Variants in ZNF385D observed in about 807,000 individuals in gnomAD.
The protein encoded by ZNF385D is zinc finger protein 659.
Under a neutral mutation model 35.8 loss-of-function variants are expected in ZNF385D, and 15 were observed. The observed-to-expected ratio is 0.42, with a 90% CI of 0.28 to 0.64. The LOEUF (loss-of-function observed/expected upper bound fraction) is 0.64, where lower values mean the gene tolerates loss of function less well. Among genes scored for constraint, ZNF385D ranks in the 30% least tolerant of loss-of-function variants. ZNF385D has a pLI of 0.23. For synonymous variants in ZNF385D, 212 were observed against 186.8 expected, an observed-to-expected ratio of 1.13 and a Z score of -1.10; for missense variants, 474 against 494.6, an observed-to-expected ratio of 0.96 and a Z score of 0.39.
chr3:22,148,687 G>A (rs530192002), intron 3 of ZNF385D, among the ~76,000 whole-genome samples: 7 of 152,258 alleles, frequency 4.6e-5, no homozygotes, highest in Middle Eastern at 3.4e-3. Flanking sequence ...CTACATGGTC[G>A]TAATTAGTAT....
intron 3 of ZNF385D, among the ~76,000 whole-genome samples, chr3:21,902,230 G>T (rs17010033): frequency 0.037 from 5,571 of 152,154 alleles, 351 homozygotes; most frequent in African/African-American, 0.13. Flanking sequence ...GCTCTCAATG[G>T]TCATCATGGT....
chr3:22,179,547 C>T (rs1208677931), intron 2 of ZNF385D, among the ~76,000 whole-genome samples: 1 of 152,230 alleles, frequency 6.6e-6, no homozygotes, highest in Admixed American at 6.5e-5. Flanking sequence ...GACAATCTGA[C>T]TTCCTCTTTT....
chr3:22,209,861 C>T lies in ZNF385D; in HGVS notation c.107-40826G>A, dbSNP rs974011637. Reference sequence around the variant, plus strand: ...ATTATAAGCTAACTGTATATTCAGCCTTATCTTTGACAGCATAAATAAGCA... The same window carrying T: ...ATTATAAGCTAACTGTATATTCAGCTTTATCTTTGACAGCATAAATAAGCA... On this transcript the variant is annotated intron_variant, in intron 2 of 5. Transcript: ENST00000494108. Among the ~76,000 whole-genome samples the T allele has an allele frequency of 1.7e-4, 26 of 151,638 alleles. 1 individual carries two copies. The highest frequency in any genetic ancestry group is 3.5e-4 in the Non-Finnish European group (24 of 67,840).
chr3:21,715,537 T>C (rs1265740623), intron 1 of ZNF385D, among the ~76,000 whole-genome samples: 1 of 152,164 alleles, frequency 6.6e-6, no homozygotes, highest in African/African-American at 2.4e-5. Flanking sequence ...CTTTGCTATT[T>C]TGAATAGTGC....
chr3:22,065,474 G>A (rs1272006007), intron 3 of ZNF385D, among the ~76,000 whole-genome samples: 2 of 152,140 alleles, frequency 1.3e-5, no homozygotes, highest in Non-Finnish European at 2.9e-5. Flanking sequence ...GCAACAAGAG[G>A]TTGCACCCTA....
chr3:22,198,386 A>C (rs1262085506), intron 2 of ZNF385D, among the ~76,000 whole-genome samples: 1 of 152,148 alleles, frequency 6.6e-6, no homozygotes, highest in African/African-American at 2.4e-5. Flanking sequence ...GAAAGCTTCA[A>C]GATAATTAAT....
chr3:21,490,311 G>T (rs1705334735), intron 4 of ZNF385D, among the ~76,000 whole-genome samples: 1 of 152,102 alleles, frequency 6.6e-6, no homozygotes, highest in Non-Finnish European at 1.5e-5. Flanking sequence ...GGCAACAGGT[G>T]TGTGTCACCA....
upstream of ZNF385D, among the ~76,000 whole-genome samples, chr3:21,754,198 A>G (rs1252847337): frequency 6.6e-6 from 1 of 152,104 alleles, no homozygotes; most frequent in African/African-American, 2.4e-5. Context: ...ATAATTTCCA[A>G]ATGAAACCAC....
At chr3:22,230,574 C>T (rs1698826686) in intron 2 of ZNF385D, among the ~76,000 whole-genome samples, 1 of 152,158 alleles carries the variant, frequency 6.6e-6, no homozygotes, top group African/African-American at 2.4e-5. Flanking sequence ...AAAAAATAAG[C>T]ACAACCAGTT....
chr3:21,834,893 C>G (rs2125772689), intron 3 of ZNF385D, among the ~76,000 whole-genome samples: 1 of 152,218 alleles, frequency 6.6e-6, no homozygotes, highest in East Asian at 1.9e-4. Context: ...CCTTCACCTT[C>G]CACCATGATA....
intron 3 of ZNF385D, among the ~76,000 whole-genome samples, chr3:21,546,832 T>C (rs1421109209): frequency 4.6e-5 from 2 of 43,830 alleles, no homozygotes; most frequent in Non-Finnish European, 8.3e-5. Context: ...ATTCCTATTC[T>C]CTAGCCCCCC....
At chr3:21,969,138 T>A (rs73133284) in intron 3 of ZNF385D, among the ~76,000 whole-genome samples, 4,650 of 152,082 alleles carry the variant, frequency 0.031, 250 homozygotes, top group African/African-American at 0.1. Flanking sequence ...GCTTGTAAAA[T>A]GGGGAGGAAA....
chr3:21,846,869 G>C (rs1033071113), intron 3 of ZNF385D, among the ~76,000 whole-genome samples: 2 of 151,966 alleles, frequency 1.3e-5, no homozygotes, highest in African/African-American at 4.8e-5. Context: ...CCAAAATATA[G>C]TATCTGTCCT....
chr3:21,752,750 T>A (rs1479919111), upstream of ZNF385D, among the ~76,000 whole-genome samples: 1 of 152,140 alleles, frequency 6.6e-6, no homozygotes, highest in Non-Finnish European at 1.5e-5. Context: ...TAAAGGATAT[T>A]AACTTTTTTA....
chr3:21,941,803 A>ATTTCT (rs1701537730), intron 3 of ZNF385D, among the ~76,000 whole-genome samples: 2 of 134,080 alleles, frequency 1.5e-5, no homozygotes, highest in Admixed American at 1.7e-4. Flanking sequence ...GGCCTCTTTA[A>ATTTCT]TTTCTGTGTT....
chr3:22,186,553 T>C (rs1304117114), intron 2 of ZNF385D, among the ~76,000 whole-genome samples: 1 of 152,160 alleles, frequency 6.6e-6, no homozygotes, highest in Non-Finnish European at 1.5e-5. Flanking sequence ...ACTTTACCTG[T>C]CCTGATTTCA....
chr3:21,924,262 G>A (rs1045696852), intron 3 of ZNF385D, among the ~76,000 whole-genome samples: 3 of 152,126 alleles, frequency 2.0e-5, no homozygotes, highest in Admixed American at 2.0e-4. Context: ...AAGGTGAAGA[G>A]AAGAAGGCAA....
intron 2 of ZNF385D, among the ~76,000 whole-genome samples, chr3:22,217,099 C>T (rs1428982222): frequency 2.0e-5 from 3 of 152,028 alleles, no homozygotes; most frequent in Non-Finnish European, 4.4e-5. Context: ...TAAAAGAGAA[C>T]CATTAAAGGA....
At chr3:21,705,631 A>T (rs2067867824) in intron 1 of ZNF385D, among the ~76,000 whole-genome samples, 2 of 152,216 alleles carry the variant, frequency 1.3e-5, no homozygotes, top group African/African-American at 4.8e-5. Flanking sequence ...TTCATTTTAC[A>T]CCTGGGGAAA....
Sources: allele counts gnomAD v4.1 joint callset (sites outside exome capture counted in the v4.1 genomes callset), GRCh38; gene constraint gnomAD v4.1.1; transcripts MANE v1.5; gene names NCBI Gene and HGNC (gene_info 2026-07-23, HGNC 2026-07-21).